The following IMPG1 variants were observed in gnomAD, a reference collection of about 807,000 sequenced individuals.
The protein encoded by IMPG1 is interphotoreceptor matrix proteoglycan of 150 kDa.
Under a neutral mutation model 92.0 loss-of-function variants are expected in IMPG1, and 85 were observed. That is an observed-to-expected ratio of 0.92 (90% CI 0.78 to 1.11). The LOEUF (loss-of-function observed/expected upper bound fraction) is 1.11. Among genes scored for constraint, IMPG1 ranks in the 50% least tolerant of loss-of-function variants. The pLI is 0.00. For missense variants in IMPG1, 1,022 were observed against 956.0 expected, an observed-to-expected ratio of 1.07 and a Z score of -0.91; for synonymous variants, 367 against 334.1, an observed-to-expected ratio of 1.10 and a Z score of -1.08.
chr6:76,035,257 C>A (rs1288659393), intron 2 of IMPG1, among the ~76,000 whole-genome samples: 2 of 151,842 alleles, frequency 1.3e-5, no homozygotes, highest in Non-Finnish European at 2.9e-5. Flanking sequence ...AATCCCAGCA[C>A]TTTGGGAGGC....
At chr6:75,944,298 A>C (rs1056083385) in intron 14 of IMPG1, among the ~76,000 whole-genome samples, 2 of 152,148 alleles carry the variant, frequency 1.3e-5, no homozygotes, top group Non-Finnish European at 2.9e-5. Flanking sequence ...AAAACCTTTG[A>C]GGGCGGTTTA....
rs1333192064 is a variant in IMPG1, at chr6:75,921,361, A to G, written c.*728T>C. On this transcript the variant is annotated 3_prime_UTR_variant, in exon 17 of 17. Coordinates refer to ENST00000369950, the MANE Select transcript of IMPG1 (RefSeq NM_001563.4). ...AAGACAGGAATTGATTATGTCATAT[A>G]GTACAACTTCGCCCTTCTCCCAACA... The G allele has an allele frequency of 1.3e-5, 2 of 152,252 alleles. No individual in the cohort carries two copies. Among genetic ancestry groups the G allele is most frequent in the Non-Finnish European group, 2.9e-5 (2 of 68,036 alleles). 9.4% of individuals were successfully genotyped at this position (152,252 alleles called of 1,614,324 possible). A position where few individuals can be genotyped will look rare whatever the true frequency, so the allele number is the denominator to read the frequency against.
intron 7 of IMPG1, among the ~76,000 whole-genome samples, chr6:76,012,158 A>G (rs1342856332): frequency 6.6e-6 from 1 of 152,188 alleles, no homozygotes; most frequent in Non-Finnish European, 1.5e-5. Flanking sequence ...ACTTCACAAT[A>G]AATTTTCTTA....
chr6:75,959,662 G>T (rs545445386), intron 12 of IMPG1, among the ~76,000 whole-genome samples: 6 of 152,264 alleles, frequency 3.9e-5, no homozygotes, highest in African/African-American at 1.4e-4. Flanking sequence ...GGCTTCCGCT[G>T]TGAGGGGAAA....
At chr6:75,973,071 G>A (rs899285930) in intron 12 of IMPG1, among the ~76,000 whole-genome samples, 8 of 152,124 alleles carry the variant, frequency 5.3e-5, no homozygotes, top group Admixed American at 3.9e-4. Flanking sequence ...TCCTGAGCTC[G>A]AGCTCGAGTG....
At chr6:76,060,936 C>T (rs902994595) in intron 1 of IMPG1, among the ~76,000 whole-genome samples, 5 of 152,066 alleles carry the variant, frequency 3.3e-5, no homozygotes, top group Non-Finnish European at 5.9e-5. Flanking sequence ...AACTTTCTTG[C>T]TTCAGATGAA....
chr6:76,072,287 C>A, intron 1 of IMPG1, 135 bp downstream of exon 1: 1 of 501,212 alleles, frequency 2.0e-6, no homozygotes, highest in Non-Finnish European at 3.5e-6. Context: ...TTCAATCAAT[C>A]AAGCAATATT....
rs1236826197 is a variant in IMPG1, at chr6:76,011,207, C to T, written c.825G>A (p.Lys275=). The T allele has an allele frequency of 1.9e-6, 3 of 1,553,650 alleles. No individual in the cohort carries two copies. Among genetic ancestry groups the T allele is most frequent in the South Asian group, 1.1e-5 (1 of 89,368 alleles). The change falls in exon 8 of 17, where the codon AAG becomes AAA. Residue 275 remains lysine (K), a synonymous_variant. Transcript: ENST00000369950. ...GGATTTTTTTGAATCCTGGAAGTTT[C>T]TTAAATATCTTTTGCATCTGCAGAG... The part of the protein sequence containing the change: ...KSQLQMQKIF[K]KLPGFKKIHV...
intron 12 of IMPG1, among the ~76,000 whole-genome samples, chr6:75,962,198 C>T (rs918726107): frequency 6.6e-6 from 1 of 151,968 alleles, no homozygotes; most frequent in Non-Finnish European, 1.5e-5. Context: ...CGGCTCACTG[C>T]AGCCTTAAAC....
chr6:75,991,778 C>T (rs1279577724), intron 12 of IMPG1, among the ~76,000 whole-genome samples: 2 of 152,202 alleles, frequency 1.3e-5, no homozygotes, highest in African/African-American at 4.8e-5. Flanking sequence ...GTCAGGCAAA[C>T]CTGCTTTCTC....
At chr6:76,033,868 T>G (rs559145206) in intron 4 of IMPG1, among the ~76,000 whole-genome samples, 1 of 152,340 alleles carries the variant, frequency 6.6e-6, no homozygotes, top group South Asian at 2.1e-4. Context: ...AGGATATAAC[T>G]TAGAGCTTTA....
intron 12 of IMPG1, among the ~76,000 whole-genome samples, chr6:75,957,095 T>C (rs922628997): frequency 6.6e-5 from 10 of 152,106 alleles, no homozygotes; most frequent in Non-Finnish European, 1.0e-4. Context: ...AATTTTTGTA[T>C]TTTTAGTAGA....
At chr6:76,015,918 G>C (rs575005257) in intron 7 of IMPG1, among the ~76,000 whole-genome samples, 1 of 152,024 alleles carries the variant, frequency 6.6e-6, no homozygotes, top group African/African-American at 2.4e-5. Flanking sequence ...GCATGACATG[G>C]TGGTTAAGAG....
chr6:75,948,461 GCCCCTGTCCCCA>G (rs1167182656), intron 13 of IMPG1, among the ~76,000 whole-genome samples: 1 of 152,002 alleles, frequency 6.6e-6, no homozygotes, highest in Non-Finnish European at 1.5e-5. Context: ...CTTTTTATTT[GCCCCTGTCCCCA>G]CCCCACCACA....
At chr6:76,055,963 T>C (rs918172859) in intron 1 of IMPG1, among the ~76,000 whole-genome samples, 1 of 152,102 alleles carries the variant, frequency 6.6e-6, no homozygotes, top group African/African-American at 2.4e-5. Context: ...CAGTGGGTAC[T>C]ATCAAACATT....
At chr6:76,001,887 A>G (rs1782995984) in intron 12 of IMPG1, among the ~76,000 whole-genome samples, 2 of 152,236 alleles carry the variant, frequency 1.3e-5, no homozygotes, top group South Asian at 4.1e-4. Context: ...CATGTAAATG[A>G]AATCCAATTT....
At chr6:75,934,087 G>GC (rs949855084) in intron 14 of IMPG1, among the ~76,000 whole-genome samples, 5 of 152,002 alleles carry the variant, frequency 3.3e-5, no homozygotes, top group African/African-American at 7.2e-5. Flanking sequence ...AAGAGTGAGA[G>GC]CCCCCCCACC....
chr6:76,047,924 T>C (rs1366540351), intron 1 of IMPG1, among the ~76,000 whole-genome samples: 5 of 152,184 alleles, frequency 3.3e-5, no homozygotes, highest in African/African-American at 1.2e-4. Context: ...AAAAATTCTT[T>C]TCTAAATAAA....
chr6:75,949,250 G>T (rs999791419), intron 13 of IMPG1, among the ~76,000 whole-genome samples: 5 of 152,120 alleles, frequency 3.3e-5, no homozygotes, highest in African/African-American at 1.2e-4. Flanking sequence ...AAGGAAGTCG[G>T]CACAAGACAC....
Sources: gnomAD v4.1 joint callset for allele counts (sites outside exome capture counted in the v4.1 genomes callset) on GRCh38, gnomAD v4.1.1 for gene constraint, MANE v1.5 for transcripts, NCBI Gene and HGNC (gene_info 2026-07-23, HGNC 2026-07-21) for gene names.